The following AGBL1 variants were observed in gnomAD, a reference collection of about 807,000 sequenced individuals.
The protein encoded by AGBL1 is cytosolic carboxypeptidase 4.
In AGBL1, 130 loss-of-function variants were observed where a neutral mutation model predicts 118.9. The ratio of observed to expected loss-of-function variants is 1.09; its 90% CI spans 0.95 to 1.26. The LOEUF (loss-of-function observed/expected upper bound fraction) is 1.26. AGBL1 is among the 50% of genes most tolerant of loss of function. The pLI is 0.00. For missense variants in AGBL1, 1,584 were observed against 1,298.1 expected (o/e 1.22, Z -3.38); for synonymous variants, 555 against 478.9 (o/e 1.16, Z -2.08).
At chr15:86,877,697 A>G (rs1224063489) in intron 22 of AGBL1, among the ~76,000 whole-genome samples, 5 of 152,312 alleles carry the variant, frequency 3.3e-5, no homozygotes, top group African/African-American at 9.6e-5. Context: ...TGTAACCATC[A>G]GTGATTAGAA....
intron 23 of AGBL1, among the ~76,000 whole-genome samples, chr15:86,968,479 A>G (rs1209389279): frequency 6.6e-6 from 1 of 151,874 alleles, no homozygotes; most frequent in East Asian, 1.9e-4. Context: ...GGCCAGGGGG[A>G]TTATCGCATA....
chr15:86,541,268 C>T (rs749243010), intron 19 of AGBL1, among the ~76,000 whole-genome samples: 1 of 152,112 alleles, frequency 6.6e-6, no homozygotes, highest in Non-Finnish European at 1.5e-5. Flanking sequence ...CGGAAACTTG[C>T]CAGAAATGCA....
intron 18 of AGBL1, among the ~76,000 whole-genome samples, chr15:86,479,173 C>T (rs541310992): frequency 1.3e-5 from 2 of 152,278 alleles, no homozygotes; most frequent in South Asian, 4.1e-4. Context: ...TAGGCATGGG[C>T]AAGGACTTCC....
intron 18 of AGBL1, among the ~76,000 whole-genome samples, chr15:86,449,370 C>T (rs1462944918): frequency 1.3e-5 from 2 of 152,232 alleles, no homozygotes; most frequent in African/African-American, 4.8e-5. Flanking sequence ...GCAACTCATA[C>T]TGGCTGTCTT....
intron 17 of AGBL1, among the ~76,000 whole-genome samples, chr15:86,331,756 T>C (rs1200962988): frequency 2.6e-5 from 4 of 152,340 alleles, no homozygotes; most frequent in Middle Eastern, 3.4e-3. Flanking sequence ...GCTATGGGAA[T>C]TTGTTATCAC....
At chr15:86,214,501 G>A (rs1246878654) in intron 5 of AGBL1, among the ~76,000 whole-genome samples, 1 of 152,192 alleles carries the variant, frequency 6.6e-6, no homozygotes, top group Non-Finnish European at 1.5e-5. Context: ...ATGGACTTTT[G>A]AATTGTTTAA....
chr15:86,587,955 C>T (rs1051882522), intron 21 of AGBL1, among the ~76,000 whole-genome samples: 4 of 152,144 alleles, frequency 2.6e-5, no homozygotes, highest in Non-Finnish European at 5.9e-5. Flanking sequence ...TTTTAGACCC[C>T]AACCTGTCTC....
chr15:86,769,100 C>G (rs1247801113), intron 22 of AGBL1, among the ~76,000 whole-genome samples: 10 of 150,898 alleles, frequency 6.6e-5, no homozygotes, highest in African/African-American at 2.2e-4. Flanking sequence ...CTTGATGGGA[C>G]CTGTACATGC....
intron 24 of AGBL1, among the ~76,000 whole-genome samples, chr15:87,028,336 A>G (rs2081754500): frequency 6.6e-6 from 1 of 151,994 alleles, no homozygotes; most frequent in African/African-American, 2.4e-5. Context: ...GTATCAAAAT[A>G]GGATATCTGA....
At chr15:86,177,203 A>G (rs937241920) in intron 5 of AGBL1, among the ~76,000 whole-genome samples, 1 of 152,260 alleles carries the variant, frequency 6.6e-6, no homozygotes, top group African/African-American at 2.4e-5. Flanking sequence ...GCCAGGTATA[A>G]AAAGGTAATT....
At chr15:86,764,009 G>C (rs1183276771) in intron 22 of AGBL1, among the ~76,000 whole-genome samples, 1 of 152,032 alleles carries the variant, frequency 6.6e-6, no homozygotes, top group Admixed American at 6.6e-5. Flanking sequence ...ATTTTCCTGA[G>C]ATAATTGGGT....
chr15:86,307,007 C>G (rs932474074), intron 17 of AGBL1, among the ~76,000 whole-genome samples: 1 of 151,918 alleles, frequency 6.6e-6, no homozygotes, highest in African/African-American at 2.4e-5. Context: ...ATTTTTTGAT[C>G]GGATCATTCA....
At chr15:86,266,263 G>T (rs2079069446) in intron 11 of AGBL1, 111 bp from the exon 12 acceptor site, 1 of 662,788 alleles carries the variant, frequency 1.5e-6, no homozygotes, top group Non-Finnish European at 2.5e-6. Flanking sequence ...AAACTTCTCT[G>T]TGCTTTCATA....
intron 22 of AGBL1, among the ~76,000 whole-genome samples, chr15:86,813,689 G>T (rs2078822472): frequency 6.6e-6 from 1 of 152,178 alleles, no homozygotes; most frequent in Non-Finnish European, 1.5e-5. Context: ...ATTGAAACAA[G>T]CTCAGAGTCA....
intron 23 of AGBL1, among the ~76,000 whole-genome samples, chr15:86,972,651 C>G (rs2081121190): frequency 6.6e-6 from 1 of 152,002 alleles, no homozygotes; most frequent in Admixed American, 6.6e-5. Context: ...ACCTGCATTT[C>G]TGATTTCCTG....
chr15:86,659,096 C>G (rs2085502348), intron 21 of AGBL1, among the ~76,000 whole-genome samples: 2 of 152,224 alleles, frequency 1.3e-5, no homozygotes, highest in Admixed American at 6.5e-5. Context: ...ATTTGTCCCC[C>G]CTCCACATCC....
intron 5 of AGBL1, among the ~76,000 whole-genome samples, chr15:86,207,469 G>C (rs922249250): frequency 2.0e-5 from 3 of 152,082 alleles, no homozygotes; most frequent in Non-Finnish European, 2.9e-5. Context: ...CCATTTGTTT[G>C]TGTCCTCTTT....
At chr15:86,807,324 G>A (rs1175222891) in intron 22 of AGBL1, among the ~76,000 whole-genome samples, 1 of 152,088 alleles carries the variant, frequency 6.6e-6, no homozygotes, top group African/African-American at 2.4e-5. Flanking sequence ...TATTATTTTT[G>A]TGGGTTCATA....
chr15:86,953,516 A>G (rs1174866427), intron 23 of AGBL1, among the ~76,000 whole-genome samples: 1 of 151,328 alleles, frequency 6.6e-6, no homozygotes, highest in African/African-American at 2.4e-5. Context: ...TCAGCCTCCC[A>G]AGTAGCCGGG....
Sources: gnomAD v4.1 joint callset for allele counts (sites outside exome capture counted in the v4.1 genomes callset) on GRCh38, gnomAD v4.1.1 for gene constraint, MANE v1.5 for transcripts, NCBI Gene and HGNC (gene_info 2026-07-23, HGNC 2026-07-21) for gene names.